IL1RAPL1: variants seen among roughly 807,000 people sequenced by gnomAD.
The protein encoded by IL1RAPL1 is interleukin-1 receptor accessory protein-like 1.
A neutral mutation model predicts 48.4 loss-of-function variants in IL1RAPL1; 3 were observed. The observed-to-expected ratio is 0.06, with a 90% confidence interval of 0.03 to 0.16. IL1RAPL1 has a LOEUF of 0.16. Among genes scored for constraint, IL1RAPL1 ranks in the 10% least tolerant of loss-of-function variants. The pLI is 1.00. For missense variants in IL1RAPL1, 349 were observed against 530.6 expected (o/e 0.66, Z 3.36); for synonymous variants, 185 against 187.7 (o/e 0.99, Z 0.12).
At chrX:29,596,314 T>C (rs1923546960) in intron 5 of IL1RAPL1, among the ~76,000 whole-genome samples, 1 of 112,287 alleles carries the variant, frequency 8.9e-6, no homozygotes, top group Admixed American at 9.4e-5. Flanking sequence ...TGTAGTTTGC[T>C]TTTGGCAGTA....
At chrX:29,495,283 T>C (rs1383947672) in intron 5 of IL1RAPL1, among the ~76,000 whole-genome samples, 3 of 112,095 alleles carry the variant, frequency 2.7e-5, no homozygotes, top group Non-Finnish European at 5.6e-5. Context: ...TAACTGACAT[T>C]ATATTTACAT....
intron 2 of IL1RAPL1, among the ~76,000 whole-genome samples, chrX:29,166,942 A>G (rs1416860147): frequency 8.9e-6 from 1 of 112,355 alleles, no homozygotes; most frequent in Admixed American, 9.5e-5. Flanking sequence ...TCCTTAGGAA[A>G]GCTTTTTCTT....
intron 3 of IL1RAPL1, among the ~76,000 whole-genome samples, chrX:29,342,001 G>T (rs1454217469): frequency 9.1e-6 from 1 of 109,815 alleles, no homozygotes; most frequent in Non-Finnish European, 1.9e-5. Context: ...TAGAGACGGG[G>T]TTTCACCATG....
intron 6 of IL1RAPL1, among the ~76,000 whole-genome samples, chrX:29,860,926 C>T (rs1479726622): frequency 4.5e-5 from 5 of 111,507 alleles, no homozygotes; most frequent in Non-Finnish European, 1.9e-5. Context: ...TTCCTGCCCA[C>T]AAAATATTAT....
chrX:28,847,602 G>C (rs1005447851), intron 2 of IL1RAPL1, among the ~76,000 whole-genome samples: 4 of 110,689 alleles, frequency 3.6e-5, no homozygotes, highest in Non-Finnish European at 5.7e-5. Flanking sequence ...AGGGCACAAG[G>C]CTCCTCTGTT....
intron 6 of IL1RAPL1, among the ~76,000 whole-genome samples, chrX:29,856,870 A>C (rs1425973370): frequency 1.8e-5 from 2 of 112,010 alleles, no homozygotes; most frequent in Admixed American, 1.9e-4. Flanking sequence ...TAGTCTGTAT[A>C]ATTCTTCTTT....
chrX:29,063,718 C>T (rs1369184157), intron 2 of IL1RAPL1, among the ~76,000 whole-genome samples: 2 of 111,266 alleles, frequency 1.8e-5, no homozygotes, highest in Non-Finnish European at 3.8e-5. Flanking sequence ...ACGCGTAGTC[C>T]AGAACTGCAT....
intron 8 of IL1RAPL1, among the ~76,000 whole-genome samples, chrX:29,932,193 T>C (rs1361887799): frequency 8.9e-6 from 1 of 112,536 alleles, no homozygotes; most frequent in African/African-American, 3.2e-5. Context: ...CACATAATGG[T>C]CTGTGTACAT....
At chrX:29,426,534 G>T (rs1393879300) in intron 5 of IL1RAPL1, among the ~76,000 whole-genome samples, 1 of 111,569 alleles carries the variant, frequency 9.0e-6, no homozygotes, top group African/African-American at 3.3e-5. Flanking sequence ...CTCAAGGGCA[G>T]CTGTGCTACC....
chrX:28,655,585 C>T (rs766587911), intron 1 of IL1RAPL1, among the ~76,000 whole-genome samples: 4 of 111,446 alleles, frequency 3.6e-5, no homozygotes, highest in African/African-American at 1.3e-4. Flanking sequence ...ATACATTTAT[C>T]TTAATTACAG....
chrX:29,156,002 A>G (rs1294567039), intron 2 of IL1RAPL1, among the ~76,000 whole-genome samples: 1 of 111,242 alleles, frequency 9.0e-6, no homozygotes, highest in Non-Finnish European at 1.9e-5. Context: ...TATAATAAAT[A>G]TACATTTGTA....
At chrX:28,771,510 A>G (rs1305271583) in intron 1 of IL1RAPL1, among the ~76,000 whole-genome samples, 1 of 111,347 alleles carries the variant, frequency 9.0e-6, no homozygotes, top group Non-Finnish European at 1.9e-5. Flanking sequence ...AATGGAATGG[A>G]GCAAAGCACA....
chrX:29,041,067 A>T (rs1926835768), intron 2 of IL1RAPL1, among the ~76,000 whole-genome samples: 1 of 112,201 alleles, frequency 8.9e-6, no homozygotes, highest in African/African-American at 3.2e-5. Context: ...TCTTAATGAT[A>T]GCTGTGTTAT....
At chrX:28,796,011 A>G (rs1169669542) in intron 2 of IL1RAPL1, among the ~76,000 whole-genome samples, 3 of 111,693 alleles carry the variant, frequency 2.7e-5, no homozygotes, top group African/African-American at 9.8e-5. Context: ...AGGCAAGGAG[A>G]AGCAAGTCAT....
intron 5 of IL1RAPL1, among the ~76,000 whole-genome samples, chrX:29,512,528 T>C (rs901989919): frequency 2.3e-5 from 1 of 43,291 alleles, no homozygotes; most frequent in Non-Finnish European, 5.3e-5. Flanking sequence ...CGTTAATATT[T>C]TTTTAGGTGT....
At chrX:28,722,026 C>T (rs1236479596) in intron 1 of IL1RAPL1, among the ~76,000 whole-genome samples, 1 of 111,333 alleles carries the variant, frequency 9.0e-6, no homozygotes, top group Non-Finnish European at 1.9e-5. Context: ...AGTCAGGTAG[C>T]ATGATGCCTC....
At chrX:29,767,371 AT>A (rs1219846973) in intron 6 of IL1RAPL1, among the ~76,000 whole-genome samples, 1 of 112,195 alleles carries the variant, frequency 8.9e-6, no homozygotes, top group African/African-American at 3.2e-5. Context: ...CTGGCAAGCT[AT>A]TCTCTTAGTT....
chrX:28,734,298 A>T (rs1935791470), intron 1 of IL1RAPL1, among the ~76,000 whole-genome samples: 1 of 111,443 alleles, frequency 9.0e-6, no homozygotes, highest in Admixed American at 9.6e-5. Flanking sequence ...CATTCATTAC[A>T]AATGAAAAGT....
intron 2 of IL1RAPL1, among the ~76,000 whole-genome samples, chrX:28,962,683 A>G (rs1924812593): frequency 9.0e-6 from 1 of 111,561 alleles, no homozygotes; most frequent in African/African-American, 3.3e-5. Flanking sequence ...GTTATACTGC[A>G]CAGTATTTAC....
Sources: allele counts gnomAD v4.1 joint callset (sites outside exome capture counted in the v4.1 genomes callset), GRCh38; gene constraint gnomAD v4.1.1; transcripts MANE v1.5; gene names NCBI Gene and HGNC (gene_info 2026-07-23, HGNC 2026-07-21).